PCBD1: variants seen among roughly 807,000 people sequenced by gnomAD.
PCBD1 encodes the protein pterin-4 alpha-carbinolamine dehydratase 1.
In PCBD1, 16 loss-of-function variants were observed where a neutral mutation model predicts 12.6. The ratio of observed to expected loss-of-function variants is 1.27; its 90% CI spans 0.86 to 1.93. The LOEUF (loss-of-function observed/expected upper bound fraction) is 1.93. Ranked by LOEUF, PCBD1 falls within the 30% of genes most tolerant of loss-of-function variation. The pLI is 0.00. For missense variants in PCBD1, 86 were observed against 130.1 expected, an observed-to-expected ratio of 0.66 and a Z score of 1.65; for synonymous variants, 53 against 50.2, an observed-to-expected ratio of 1.05 and a Z score of -0.23.
In PCBD1 at chr10:70,885,822, C is replaced by G; in HGVS notation, c.111G>C (p.Gln37His). The G allele has an allele frequency of 1.9e-6, 3 of 1,613,982 alleles. No individual in the cohort carries two copies. Among genetic ancestry groups the G allele is most frequent in the Non-Finnish European group, 2.5e-6 (3 of 1,179,924 alleles). ...ELEGRDAIFK[Q>H]FHFKDFNRAF... ...CCCTGTTGAAGTCTTTGAAATGAAA[C>G]TGCTTGAAGATGGCATCACGGCCTT... is the stretch of plus-strand genomic sequence containing the variant. The change falls in exon 2 of 4, where the codon CAG (glutamine) becomes CAC (histidine). Residue 37 changes from glutamine (Q) to histidine (H), a missense_variant. By Grantham distance (24) the Gln-to-His change is conservative. Transcript: ENST00000299299.
intron 3 of PCBD1, among the ~76,000 whole-genome samples, chr10:70,884,446 C>G (rs1846549162): frequency 6.7e-6 from 1 of 149,340 alleles, no homozygotes; most frequent in Non-Finnish European, 1.5e-5. Flanking sequence ...ATTCATTAAG[C>G]AAATAATTTG....
At chr10:70,888,314 A>G (rs1846620139) in intron 1 of PCBD1, 3 of 429,520 alleles carry the variant, frequency 7.0e-6, no homozygotes, top group East Asian at 8.8e-5. Flanking sequence ...TGGCCTCCCA[A>G]CTGGGTGGGA....
At chr10:70,887,211 T>C (rs926941024) in intron 1 of PCBD1, among the ~76,000 whole-genome samples, 1 of 152,128 alleles carries the variant, frequency 6.6e-6, no homozygotes, top group African/African-American at 2.4e-5. Context: ...AAATGTCATC[T>C]GCATTACAAA....
At chr10:70,888,215 C>T in intron 1 of PCBD1, 1 of 303,132 alleles carries the variant, frequency 3.3e-6, no homozygotes, top group Non-Finnish European at 6.1e-6. Flanking sequence ...GTGGACTCCT[C>T]CACGACTGTC....
rs886047113 is a variant in PCBD1 at position 70,883,544 on chromosome 10, AAC to A, written c.*404_*405del. 15 of 1,106,430 alleles carry A rather than the reference AAC, an allele frequency of 1.4e-5. No homozygotes were observed. The highest frequency in any genetic ancestry group is 7.5e-5 in the South Asian group (3 of 39,872). 68.5% of individuals were successfully genotyped at this position (1,106,430 alleles called of 1,614,324 possible). Reference sequence around the variant, plus strand: ...ATAATAGTTTTATTTGAGACATAAAAACACATGTGTTTCTATTACATAGTGTG... The same window carrying A: ...ATAATAGTTTTATTTGAGACATAAAAACATGTGTTTCTATTACATAGTGTG... On this transcript the variant is annotated 3_prime_UTR_variant, in exon 4 of 4. Coordinates refer to ENST00000299299, the MANE Select transcript of PCBD1 (RefSeq NM_000281.4).
Position 70,883,551 on chromosome 10 carries a change from G to A in PCBD1, c.*399C>T, listed in dbSNP as rs1386277242. 5 of 1,112,434 alleles carry A rather than the reference G, an allele frequency of 4.5e-6. No individual in the cohort carries two copies. Among genetic ancestry groups the A allele is most frequent in the Non-Finnish European group, 5.5e-6 (5 of 903,558 alleles). The allele number at this position is 1,112,434 out of a possible 1,614,324, so 68.9% of individuals were successfully genotyped here. ...TTTTATTTGAGACATAAAAACACAT[G>A]TGTTTCTATTACATAGTGTGGGGTT... On this transcript the variant is annotated 3_prime_UTR_variant, in exon 4 of 4. Coordinates refer to ENST00000299299, the MANE Select transcript of PCBD1 (RefSeq NM_000281.4).
At chr10:70,883,272 T>C (rs1206418988), downstream of PCBD1, among the ~76,000 whole-genome samples, 1 of 152,244 alleles carries the variant, frequency 6.6e-6, no homozygotes, top group Non-Finnish European at 1.5e-5. Flanking sequence ...ACTCTAGTAA[T>C]AGTTAATTAG....
rs938825362 is a variant in PCBD1 at position 70,883,885 on chromosome 10, C to A, written c.*65G>T. 1.9e-6 allele frequency: 3 copies of A among 1,570,884 alleles called. No homozygotes were observed. Among genetic ancestry groups the A allele is most frequent in the South Asian group, 1.2e-5 (1 of 85,800 alleles). On this transcript the variant is annotated 3_prime_UTR_variant, in exon 4 of 4. Transcript: ENST00000299299. Reference sequence around the variant, plus strand: ...GTGGGAGGGTAAGGGCTCCTCAGCTCCCTCCCTGGACTCCCAGTTCAGTCA... The same window carrying A: ...GTGGGAGGGTAAGGGCTCCTCAGCTACCTCCCTGGACTCCCAGTTCAGTCA...
intron 3 of PCBD1, 151 bp downstream of exon 3, chr10:70,885,001 T>C: frequency 1.4e-6 from 1 of 717,922 alleles, no homozygotes. Flanking sequence ...ATTCTAGGCA[T>C]GTGCAATCTC....
In PCBD1 at chr10:70,883,716, T is replaced by C. The variant is rs1388642991; in HGVS notation, c.*234A>G. On this transcript the variant is annotated 3_prime_UTR_variant, in exon 4 of 4. Coordinates refer to ENST00000299299, the MANE Select transcript of PCBD1 (RefSeq NM_000281.4). ...GTTGCAAAGAAAGGGGAGAGTTTAT[T>C]CAAATTAGTGTAACAGAGCCCCCAG... The C allele has an allele frequency of 1.9e-5, 27 of 1,390,886 alleles. No individual in the cohort carries two copies. In the Middle Eastern group the frequency reaches 8.1e-4, roughly 42 times the overall value. The allele number at this position is 1,390,886 out of a possible 1,614,324, so 86.2% of individuals were successfully genotyped here. A position where few individuals can be genotyped will look rare whatever the true frequency, so the allele number is the denominator to read the frequency against.
At chr10:70,883,065 G>T (rs560382864), downstream of PCBD1, among the ~76,000 whole-genome samples, 1 of 152,152 alleles carries the variant, frequency 6.6e-6, no homozygotes, top group African/African-American at 2.4e-5. Flanking sequence ...CTAGACATAG[G>T]TTCCACAATG....
intron 3 of PCBD1, 34 bp from the exon 4 acceptor site, chr10:70,884,082 C>G (rs1416521911): frequency 6.2e-7 from 1 of 1,605,330 alleles, no homozygotes; most frequent in Non-Finnish European, 8.5e-7. Flanking sequence ...CTTCCACTGA[C>G]TTCACTTAAG....
chr10:70,882,502 T>G (rs955655704), downstream of PCBD1: 2 of 152,212 alleles, frequency 1.3e-5, no homozygotes, highest in Non-Finnish European at 2.9e-5. Context: ...AGAGTGGATG[T>G]TTCAGTTTAA....
In PCBD1 at chr10:70,885,248, G is replaced by A. The variant is rs1197108720; in HGVS notation, c.136-16C>T. On this transcript the variant is annotated splice_polypyrimidine_tract_variant and intron_variant, in intron 2 of 3. Transcript: ENST00000299299. ...ACCCAAAGGCCTATTTAAGTGGAGT[G>A]AGAGCCAGGTTAGTGTTCTAAGAGA... is the stretch of plus-strand genomic sequence containing the variant. 1.9e-6 allele frequency: 3 copies of A among 1,605,248 alleles called. No individual in the cohort carries two copies. Among genetic ancestry groups the A allele is most frequent in the Admixed American group, 3.3e-5 (2 of 60,018 alleles).
Position 70,883,627 on chromosome 10 carries a change from T to C in PCBD1, c.*323A>G. The stretch of plus-strand genomic sequence containing the variant: ...CTTTATTTCACCCTGTATCACAGCT[T>C]CCTGGGAAATGAATTAGGGAGCAAG... On this transcript the variant is annotated 3_prime_UTR_variant, in exon 4 of 4. Transcript: ENST00000299299. 1 of 1,237,742 alleles carries C rather than the reference T, an allele frequency of 8.1e-7. No homozygotes were observed. The highest frequency in any genetic ancestry group is 1.0e-6 in the Non-Finnish European group (1 of 975,346). 76.7% of individuals were successfully genotyped at this position (1,237,742 alleles called of 1,614,324 possible).
At chr10:70,885,300 A>G (rs1317200138) in intron 2 of PCBD1, 68 bp from the exon 3 acceptor site, 3 of 1,174,558 alleles carry the variant, frequency 2.6e-6, no homozygotes, top group East Asian at 2.4e-5. Context: ...CACCAATTCA[A>G]GGCCTAGACG....
downstream of PCBD1, among the ~76,000 whole-genome samples, chr10:70,883,303 G>A (rs1564635822): frequency 6.6e-6 from 1 of 152,150 alleles, no homozygotes; most frequent in East Asian, 1.9e-4. Flanking sequence ...TTGGTAATTG[G>A]TAATAGTTAA....
rs115017395 is a variant in PCBD1, at chr10:70,884,239, A to T, written c.217-191T>A. ...CTCCCCTTTGCTGTCTCTCAAAAAT[A>T]ATCATGACTTCAGCTATAGAATAAA... On this transcript the variant is annotated intron_variant, in intron 3 of 3. Transcript: ENST00000299299. Among the ~76,000 whole-genome samples, 284 of 152,298 alleles carry T rather than the reference A, an allele frequency of 1.9e-3. 1 individual carries two copies. The highest frequency in any genetic ancestry group is 6.7e-3 in the African/African-American group (277 of 41,570).
chr10:70,882,409 A>G (rs1354494682), downstream of PCBD1: 2 of 152,262 alleles, frequency 1.3e-5, no homozygotes, highest in Non-Finnish European at 2.9e-5. Context: ...ACAAGTCCCA[A>G]GATCTGTAGT....
Sources: gnomAD v4.1 joint callset for allele counts (sites outside exome capture counted in the v4.1 genomes callset) on GRCh38, gnomAD v4.1.1 for gene constraint, MANE v1.5 for transcripts, NCBI Gene and HGNC (gene_info 2026-07-23, HGNC 2026-07-21) for gene names.